EMX1: variants seen among roughly 807,000 people sequenced by gnomAD.
EMX1 encodes the protein empty spiracles homeobox 1.
In EMX1, 10 loss-of-function variants were observed where a neutral mutation model predicts 20.1. That is an observed-to-expected ratio of 0.50 (90% CI 0.31 to 0.84). The LOEUF is 0.84. EMX1 is among the 40% of genes least tolerant of loss of function. The pLI, the probability that EMX1 is intolerant of heterozygous loss-of-function variation, is 0.05. For missense variants in EMX1, 424 were observed against 431.9 expected (o/e 0.98, Z 0.16); for synonymous variants, 250 against 200.4 (o/e 1.25, Z -2.09).
At chr2:72,916,558 G>C, upstream of EMX1, 1 of 612,876 alleles carries the variant, frequency 1.6e-6, no homozygotes, top group South Asian at 1.9e-5. Flanking sequence ...CGGGGAATTC[G>C]TCCGCCGTAC....
At chr2:72,921,459 GCCT>G (rs755147907) in intron 1 of EMX1, among the ~76,000 whole-genome samples, 112 of 152,260 alleles carry the variant, frequency 7.4e-4, no homozygotes, top group Non-Finnish European at 1.3e-3. Flanking sequence ...GGTGGTTCAG[GCCT>G]CCTTCCCACA....
upstream of EMX1, chr2:72,916,982 C>T (rs1425054469): frequency 2.8e-6 from 2 of 711,542 alleles, no homozygotes; most frequent in East Asian, 2.7e-5. Flanking sequence ...CTTTCCAGAG[C>T]TGTCCCCCGT....
intron 1 of EMX1, among the ~76,000 whole-genome samples, chr2:72,920,627 G>A (rs762895008): frequency 6.6e-6 from 1 of 152,218 alleles, no homozygotes; most frequent in Admixed American, 6.5e-5. Context: ...TGCAACAAAC[G>A]AAACCCCACA....
Position 72,933,940 on chromosome 2 carries a change from A to G in EMX1, c.859A>G (p.Thr287Ala). 2 of 1,614,208 alleles carry G rather than the reference A, an allele frequency of 1.2e-6. No homozygotes were observed. Among genetic ancestry groups the G allele is most frequent in the Non-Finnish European group, 1.7e-6 (2 of 1,180,024 alleles). The change falls in exon 3 of 3, where the codon ACC (threonine) becomes GCC (alanine). Residue 287 changes from threonine (T) to alanine (A), a missense_variant. Physicochemically the swap from Thr to Ala is moderately conservative, Grantham distance 58 (BLOSUM62 0). This residue lies in a region of EMX1 where 91 missense variants were observed against 135.2 expected (regional missense o/e 0.67). Transcript: ENST00000258106. ...KQANGEDIDV[T>A]SND ...GGCCAATGGGGAGGACATCGATGTC[A>G]CCTCCAATGACTAGGGTGGGCAACC...
intron 1 of EMX1, among the ~76,000 whole-genome samples, chr2:72,920,922 C>G (rs1447477041): frequency 1.3e-5 from 2 of 152,220 alleles, no homozygotes; most frequent in African/African-American, 4.8e-5. Context: ...CCCCCGGGAC[C>G]CGCAACTACA....
chr2:72,929,152 C>G (rs1671246398), intron 2 of EMX1, among the ~76,000 whole-genome samples: 1 of 152,162 alleles, frequency 6.6e-6, no homozygotes, highest in Non-Finnish European at 1.5e-5. Flanking sequence ...TCCTAGCTCA[C>G]GGTGTGTCCA....
Position 72,934,159 on chromosome 2 carries a change from T to G in EMX1, c.*205T>G. On this transcript the variant is annotated 3_prime_UTR_variant, in exon 3 of 3. Transcript: ENST00000258106. Reference sequence around the variant, plus strand: ...TGAGGCCTGGGACCACTTGGCCTTCTCCTCGGAGAGCCTGCCTGCCTGGGC... The same window carrying G: ...TGAGGCCTGGGACCACTTGGCCTTCGCCTCGGAGAGCCTGCCTGCCTGGGC... 2 of 702,706 alleles carry G rather than the reference T, an allele frequency of 2.8e-6. No individual in the cohort carries two copies. The highest frequency in any genetic ancestry group is 4.4e-6 in the Non-Finnish European group (2 of 452,492). The allele number at this position is 702,706 out of a possible 1,614,324, so 43.5% of individuals were successfully genotyped here. A position where few individuals can be genotyped will look rare whatever the true frequency, so the allele number is the denominator to read the frequency against.
chr2:72,921,423 G>A (rs1671102574), intron 1 of EMX1, among the ~76,000 whole-genome samples: 1 of 152,188 alleles, frequency 6.6e-6, no homozygotes. Context: ...TGTGGTCCAG[G>A]CAAGGGAAAC....
At chr2:72,916,599 G>A, upstream of EMX1, 1 of 658,804 alleles carries the variant, frequency 1.5e-6, no homozygotes, top group Admixed American at 2.2e-5. Flanking sequence ...AGTCGTCCGC[G>A]GTTCCGCGGT....
rs1184553630 is a variant in EMX1 at position 72,926,934 on chromosome 2, C to T, written c.705+2441C>T. ...TCTTGGTACTTACCAGGCAAGCTTA[C>T]CTGTCATTTCCAGCTATCAGCTATT... On this transcript the variant is annotated intron_variant, in intron 2 of 2. Transcript: ENST00000258106. Among the ~76,000 whole-genome samples the T allele has an allele frequency of 8.5e-5, 13 of 152,184 alleles. 1 individual carries two copies. The highest frequency in any genetic ancestry group is 1.9e-4 in the Non-Finnish European group (13 of 68,028).
At chr2:72,921,216 A>AGAGT (rs1225932560) in intron 1 of EMX1, among the ~76,000 whole-genome samples, 1 of 152,198 alleles carries the variant, frequency 6.6e-6, no homozygotes, top group Non-Finnish European at 1.5e-5. Context: ...GGGCCCTAAA[A>AGAGT]GAGTGGCTGT....
At position 72,934,189 on chromosome 2, in the gene EMX1, C is replaced by G. The variant is rs1671329429; in HGVS notation, c.*235C>G. On this transcript the variant is annotated 3_prime_UTR_variant, in exon 3 of 3. Transcript: ENST00000258106. ...GGAGAGCCTGCCTGCCTGGGCGGGC[C>G]CGCCCGCCACCGCAGCCTCCCAGCT... 1 of 534,788 alleles carries G rather than the reference C, an allele frequency of 1.9e-6. No individual in the cohort carries two copies. The highest frequency in any genetic ancestry group is 2.8e-5 in the South Asian group (1 of 36,004). 33.1% of individuals were successfully genotyped at this position (534,788 alleles called of 1,614,324 possible).
chr2:72,931,701 A>T (rs987558555), intron 2 of EMX1, among the ~76,000 whole-genome samples: 2 of 152,236 alleles, frequency 1.3e-5, no homozygotes, highest in Non-Finnish European at 2.9e-5. Context: ...TGTGCAGGCT[A>T]TGGGCTTGGA....
upstream of EMX1, chr2:72,916,557 C>T: frequency 1.6e-6 from 1 of 612,990 alleles, no homozygotes; most frequent in South Asian, 1.9e-5. Context: ...CCGGGGAATT[C>T]GTCCGCCGTA....
chr2:72,929,572 G>A (rs1471605466), intron 2 of EMX1, among the ~76,000 whole-genome samples: 1 of 152,220 alleles, frequency 6.6e-6, no homozygotes, highest in Non-Finnish European at 1.5e-5. Flanking sequence ...CCAGGCTCCT[G>A]TCCATTCTGG....
Position 72,933,660 on chromosome 2 carries a change from G to A in EMX1, c.706-127G>A, listed in dbSNP as rs79983351. Reference sequence around the variant, plus strand: ...CTGGTCAGAGGGGACCCCGGCCTGGGGCCCCTAACCCTATGTAGCCTCAGT... The same window carrying A: ...CTGGTCAGAGGGGACCCCGGCCTGGAGCCCCTAACCCTATGTAGCCTCAGT... On this transcript the variant is annotated intron_variant, in intron 2 of 2. Coordinates refer to ENST00000258106, the MANE Select transcript of EMX1 (RefSeq NM_004097.3). The A allele has an allele frequency of 3.2e-3, 4,155 of 1,302,578 alleles. 76 individuals carry two copies. In the African/African-American group the frequency reaches 0.045, roughly 14 times the overall value. The allele number at this position is 1,302,578 out of a possible 1,614,324, so 80.7% of individuals were successfully genotyped here. A position where few individuals can be genotyped will look rare whatever the true frequency, so the allele number is the denominator to read the frequency against.
chr2:72,922,292 T>G (rs1331797910), intron 1 of EMX1, among the ~76,000 whole-genome samples: 3 of 152,260 alleles, frequency 2.0e-5, no homozygotes, highest in African/African-American at 7.2e-5. Context: ...CACCTTTCCC[T>G]GGCCTACCTC....
chr2:72,926,142 A>C, intron 2 of EMX1: 1 of 985,392 alleles, frequency 1.0e-6, no homozygotes. Context: ...ATGGTTTTTA[A>C]TCCTACCACC....
chr2:72,924,643 G>A, intron 2 of EMX1, 150 bp downstream of exon 2: 6 of 989,222 alleles, frequency 6.1e-6, no homozygotes, highest in Non-Finnish European at 8.6e-6. Flanking sequence ...GGTCAAGCCC[G>A]TCTTTAGAGC....
Sources: allele counts gnomAD v4.1 joint callset (sites outside exome capture counted in the v4.1 genomes callset), GRCh38; gene constraint gnomAD v4.1.1; regional missense constraint gnomAD v4.1.1; transcripts MANE v1.5; gene names NCBI Gene and HGNC (gene_info 2026-07-23, HGNC 2026-07-21).